FBXL5: variants seen among roughly 807,000 people sequenced by gnomAD.
FBXL5 encodes F-box and leucine rich repeat protein 5.
FBXL5 carries 26 observed loss-of-function variants against 78.3 expected under a neutral mutation model. That is an observed-to-expected ratio of 0.33 (90% CI 0.24 to 0.46). The LOEUF is 0.46. Ranked by LOEUF, FBXL5 falls within the 20% of genes least tolerant of loss-of-function variation. The probability of loss-of-function intolerance (pLI) is 1.00; values close to 1 mark genes in which losing one functional copy is unlikely to be tolerated. For synonymous variants in FBXL5, 295 were observed against 282.5 expected, an observed-to-expected ratio of 1.04 and a Z score of -0.45; for missense variants, 710 against 829.2, an observed-to-expected ratio of 0.86 and a Z score of 1.77.
chr4:15,638,495 A>T lies in FBXL5; in HGVS notation c.583+13T>A, dbSNP rs1714510567. ...ACAACTAATAAATTGTTCTTTATATATATGAATCTCACCTTTATCTGACTT... is the reference window on the plus strand; with the variant it reads ...ACAACTAATAAATTGTTCTTTATATTTATGAATCTCACCTTTATCTGACTT... On this transcript the variant is annotated intron_variant, in intron 4 of 10. Transcript: ENST00000341285. 1 of 1,553,402 alleles carries T rather than the reference A, an allele frequency of 6.4e-7. No homozygotes were observed. The highest frequency in any genetic ancestry group is 8.6e-7 in the Non-Finnish European group (1 of 1,156,230).
chr4:15,617,546 A>AG, intron 9 of FBXL5, among the ~76,000 whole-genome samples: 1 of 23,386 alleles, frequency 4.3e-5, no homozygotes, highest in East Asian at 1.9e-3. Context: ...TCCATGTCTC[A>AG]AAAAAAAAAA....
At chr4:15,613,439 A>C (rs1722405976) in intron 9 of FBXL5, among the ~76,000 whole-genome samples, 1 of 152,184 alleles carries the variant, frequency 6.6e-6, no homozygotes, top group Non-Finnish European at 1.5e-5. Context: ...TAAAATTAAA[A>C]GGTGGCTCCT....
chr4:15,670,303 G>A (rs976882246), intron 1 of FBXL5, among the ~76,000 whole-genome samples: 4 of 152,126 alleles, frequency 2.6e-5, no homozygotes, highest in African/African-American at 9.7e-5. Context: ...TAGATCATAC[G>A]TATGATAGAT....
intron 1 of FBXL5, among the ~76,000 whole-genome samples, chr4:15,676,521 T>C (rs1207685309): frequency 1.3e-5 from 2 of 152,228 alleles, no homozygotes; most frequent in Non-Finnish European, 2.9e-5. Context: ...GGACATAGTT[T>C]AGCTTCTAAT....
chr4:15,677,649 C>T (rs1718044401), intron 1 of FBXL5, among the ~76,000 whole-genome samples: 1 of 152,178 alleles, frequency 6.6e-6, no homozygotes, highest in Admixed American at 6.5e-5. Context: ...GAGGGTGGCA[C>T]AGAGAGGGCA....
At position 15,612,408 on chromosome 4, in the gene FBXL5, C is replaced by A; in HGVS notation, c.1857G>T (p.Leu619Phe). 1 of 1,605,890 alleles carries A rather than the reference C, an allele frequency of 6.2e-7. No individual in the cohort carries two copies. The highest frequency in any genetic ancestry group is 1.1e-5 in the South Asian group (1 of 88,990). The change falls in exon 10 of 11, where the codon TTG becomes TTT. Residue 619 changes from leucine (L) to phenylalanine (F), a missense_variant. Physicochemically the swap from Leu to Phe is conservative, Grantham distance 22. This residue lies in a region of FBXL5 where 58 missense variants were observed against 112.3 expected (regional missense o/e 0.52). Coordinates refer to ENST00000341285, the MANE Select transcript of FBXL5 (RefSeq NM_012161.4). The part of the protein sequence containing the change: ...YQITDHGLRV[L>F]TLGGGLPYLE... Reference sequence around the variant, plus strand: ...AATAAGGCAGCCCTCCTCCCAGAGTCAAAACCCTGTAAGAAAAATAATTTG... The same window carrying A: ...AATAAGGCAGCCCTCCTCCCAGAGTAAAAACCCTGTAAGAAAAATAATTTG...
At chr4:15,638,776 C>G in intron 3 of FBXL5, 82 bp from the exon 4 acceptor site, 1 of 852,314 alleles carries the variant, frequency 1.2e-6, no homozygotes, top group Admixed American at 3.1e-5. Context: ...ATTAATGGCT[C>G]GAATGTCGTA....
chr4:15,628,697 T>C (rs956031819), intron 6 of FBXL5, among the ~76,000 whole-genome samples: 1 of 151,374 alleles, frequency 6.6e-6, no homozygotes, highest in African/African-American at 2.4e-5. Context: ...GACAAAAGGA[T>C]ATCAACTAAA....
rs1318891573 is a variant in FBXL5 at position 15,625,506 on chromosome 4, G to C, written c.1596C>G (p.Val532=). ...SKDIVGLRTS[V]CWQQHCASPA... is the part of the protein sequence containing the mutation. ...GAGAAGCACAATGCTGCTGCCAACAGACACTAGTCCTTAGTCCAACAATGT... is the reference window on the plus strand; with the variant it reads ...GAGAAGCACAATGCTGCTGCCAACACACACTAGTCCTTAGTCCAACAATGT... The change falls in exon 9 of 11, where the codon GTC becomes GTG. Residue 532 remains valine, a synonymous_variant. Coordinates refer to ENST00000341285, the MANE Select transcript of FBXL5 (RefSeq NM_012161.4). The C allele has an allele frequency of 6.2e-7, 1 of 1,613,936 alleles. No individual in the cohort carries two copies. The highest frequency in any genetic ancestry group is 1.3e-5 in the African/African-American group (1 of 74,940).
intron 1 of FBXL5, among the ~76,000 whole-genome samples, chr4:15,668,305 A>T (rs2148798215): frequency 6.6e-6 from 1 of 151,780 alleles, no homozygotes; most frequent in East Asian, 1.9e-4. Context: ...ATTACACTTG[A>T]ACCACATTTT....
At chr4:15,663,631 G>T (rs1717410751), upstream of FBXL5, among the ~76,000 whole-genome samples, 1 of 152,186 alleles carries the variant, frequency 6.6e-6, no homozygotes, top group Admixed American at 6.5e-5. Flanking sequence ...ACCTATTCTA[G>T]TGGACTGTGG....
chr4:15,620,770 C>T (rs967749607), intron 9 of FBXL5, among the ~76,000 whole-genome samples: 2 of 152,212 alleles, frequency 1.3e-5, no homozygotes, highest in African/African-American at 4.8e-5. Flanking sequence ...GGAATGAGGG[C>T]AAAGAACACC....
intron 1 of FBXL5, among the ~76,000 whole-genome samples, chr4:15,671,556 G>A (rs369794022): frequency 7.7e-4 from 118 of 152,278 alleles, no homozygotes; most frequent in African/African-American, 2.7e-3. Flanking sequence ...TTACAGGCGT[G>A]AGCCACCACG....
At chr4:15,633,176 A>C (rs545372815) in intron 5 of FBXL5, among the ~76,000 whole-genome samples, 2 of 152,270 alleles carry the variant, frequency 1.3e-5, no homozygotes, top group African/African-American at 4.8e-5. Context: ...TTCCCAAAGT[A>C]AATCTTTCTC....
chr4:15,673,206 G>A (rs71601487), intron 1 of FBXL5, among the ~76,000 whole-genome samples: 1 of 152,162 alleles, frequency 6.6e-6, no homozygotes, highest in African/African-American at 2.4e-5. Flanking sequence ...TTGGGAGGCC[G>A]AGGTAGCTGG....
At chr4:15,625,124 G>T in intron 9 of FBXL5, 128 bp downstream of exon 9, 1 of 1,007,258 alleles carries the variant, frequency 9.9e-7, no homozygotes, top group Non-Finnish European at 1.4e-6. Flanking sequence ...TCTGAAGTAG[G>T]GCAGATCTTG....
chr4:15,640,923 G>A lies in FBXL5; in HGVS notation c.301-40C>T, dbSNP rs368901189. ...AAAAATACATTTTTATAAAAGTTTC[G>A]CTTCATTAATTATGTCTGGTCCCAG... On this transcript the variant is annotated intron_variant, in intron 2 of 10. Transcript: ENST00000341285. The A allele has an allele frequency of 4.7e-4, 542 of 1,147,588 alleles. 3 individuals are homozygous for A. In the African/African-American group the frequency reaches 7.3e-3, roughly 15 times the overall value. The allele number at this position is 1,147,588 out of a possible 1,614,324, so 71.1% of individuals were successfully genotyped here.
intron 9 of FBXL5, among the ~76,000 whole-genome samples, chr4:15,623,917 G>C (rs1712744520): frequency 6.6e-6 from 1 of 151,868 alleles, no homozygotes; most frequent in African/African-American, 2.4e-5. Flanking sequence ...CCGTCTCCCG[G>C]GTTCACACCA....
chr4:15,669,184 A>G (rs1165793650), intron 1 of FBXL5, among the ~76,000 whole-genome samples: 1 of 152,170 alleles, frequency 6.6e-6, no homozygotes, highest in Admixed American at 6.5e-5. Context: ...CAAACATCTG[A>G]GCATACTTAC....
Sources: allele counts gnomAD v4.1 joint callset (sites outside exome capture counted in the v4.1 genomes callset), GRCh38; gene constraint gnomAD v4.1.1; regional missense constraint gnomAD v4.1.1; transcripts MANE v1.5; gene names NCBI Gene and HGNC (gene_info 2026-07-23, HGNC 2026-07-21).